Variants in THSD7B observed in about 807,000 individuals in gnomAD.
The protein encoded by THSD7B is thrombospondin type 1 domain containing 7B.
THSD7B carries 138 observed loss-of-function variants against 213.6 expected under a neutral mutation model. The ratio of observed to expected loss-of-function variants is 0.65; its 90% CI spans 0.56 to 0.74. The LOEUF (loss-of-function observed/expected upper bound fraction) is 0.74. Ranked by LOEUF, THSD7B falls within the 30% of genes least tolerant of loss-of-function variation. The pLI, the probability that THSD7B is intolerant of heterozygous loss-of-function variation, is 0.00. For missense variants in THSD7B, 1,931 were observed against 1,991.5 expected (o/e 0.97, Z 0.58); for synonymous variants, 742 against 687.0 (o/e 1.08, Z -1.25).
At chr2:136,803,117 A>G (rs749904925) in intron 1 of THSD7B, among the ~76,000 whole-genome samples, 74 of 152,148 alleles carry the variant, frequency 4.9e-4, no homozygotes, top group Non-Finnish European at 7.9e-4. Flanking sequence ...TAGATATATT[A>G]TGGATCAAGT....
chr2:136,867,939 A>G (rs1683370092), intron 1 of THSD7B, among the ~76,000 whole-genome samples: 1 of 152,178 alleles, frequency 6.6e-6, no homozygotes, highest in South Asian at 2.1e-4. Flanking sequence ...TTTATTTAGT[A>G]TTATTAATTT....
intron 17 of THSD7B, among the ~76,000 whole-genome samples, chr2:137,598,887 T>TTTTA (rs1682019656): frequency 6.6e-6 from 1 of 151,100 alleles, no homozygotes; most frequent in African/African-American, 2.4e-5. Flanking sequence ...CTTTTTTTTT[T>TTTTA]TTATTATTAT....
At chr2:137,041,803 G>T (rs1322863445) in intron 2 of THSD7B, among the ~76,000 whole-genome samples, 1 of 152,056 alleles carries the variant, frequency 6.6e-6, no homozygotes, top group Non-Finnish European at 1.5e-5. Flanking sequence ...TGGAAGCAAT[G>T]ATTATATTGC....
Position 136,780,348 on chromosome 2 carries a change from C to T in THSD7B, c.-36+14661C>T, listed in dbSNP as rs182147082. Among the ~76,000 whole-genome samples, 4 of 152,236 alleles carry T rather than the reference C, an allele frequency of 2.6e-5. No individual in the cohort carries two copies. In the East Asian group the frequency reaches 7.7e-4, roughly 29 times the overall value. On this transcript the variant is annotated intron_variant, in intron 1 of 27. Coordinates refer to ENST00000409968, the MANE Select transcript of THSD7B (RefSeq NM_001316349.2). ...ATCCATCCATTCATGAGTGCATGTG[C>T]CCTCATAGCCTAAGCACCTCCAAAA...
intron 17 of THSD7B, among the ~76,000 whole-genome samples, chr2:137,609,048 A>C (rs1435137731): frequency 1.3e-5 from 2 of 152,246 alleles, no homozygotes; most frequent in Non-Finnish European, 1.5e-5. Flanking sequence ...AATCTCATTA[A>C]ACTCATTAGA....
At chr2:137,504,469 C>G (rs1219821536) in intron 15 of THSD7B, among the ~76,000 whole-genome samples, 3 of 152,162 alleles carry the variant, frequency 2.0e-5, no homozygotes, top group Non-Finnish European at 4.4e-5. Flanking sequence ...ATGTAGTTGA[C>G]TGTTTTTCTT....
intron 2 of THSD7B, among the ~76,000 whole-genome samples, chr2:136,910,086 C>T (rs1305216168): frequency 6.6e-6 from 1 of 152,116 alleles, no homozygotes; most frequent in Admixed American, 6.6e-5. Flanking sequence ...TTTCAGCAAT[C>T]TGGGAGCAGT....
In THSD7B at chr2:136,817,544, G is replaced by C. The variant is rs1228964624; in HGVS notation, c.-36+51857G>C. On this transcript the variant is annotated intron_variant, in intron 1 of 27. Coordinates refer to ENST00000409968, the MANE Select transcript of THSD7B (RefSeq NM_001316349.2). ...CATCTTGAATTGATTTTTGTATAAGGTGTAAGGAAGGGATCCAGTTTCAGC... is the reference window on the plus strand; with the variant it reads ...CATCTTGAATTGATTTTTGTATAAGCTGTAAGGAAGGGATCCAGTTTCAGC... Among the ~76,000 whole-genome samples the C allele has an allele frequency of 1.1e-4, 16 of 150,320 alleles. No individual in the cohort carries two copies. The East Asian group carries it at 3.1e-3, about 29-fold the overall frequency.
At chr2:137,290,987 A>G (rs546646489) in intron 12 of THSD7B, among the ~76,000 whole-genome samples, 3 of 152,238 alleles carry the variant, frequency 2.0e-5, no homozygotes, top group Middle Eastern at 3.4e-3. Flanking sequence ...AGAGTCACTC[A>G]CCTGATTATC....
At chr2:137,588,461 G>C (rs1681790957) in intron 17 of THSD7B, among the ~76,000 whole-genome samples, 1 of 151,334 alleles carries the variant, frequency 6.6e-6, no homozygotes, top group Admixed American at 6.6e-5. Context: ...AATACCTCTG[G>C]AGCTGGAATA....
chr2:137,658,062 T>C (rs1683273033), intron 24 of THSD7B, among the ~76,000 whole-genome samples: 1 of 152,244 alleles, frequency 6.6e-6, no homozygotes, highest in African/African-American at 2.4e-5. Context: ...ATTGTCATTA[T>C]TTTTACTTAG....
chr2:137,279,275 C>A (rs1044527442), intron 12 of THSD7B, among the ~76,000 whole-genome samples: 2 of 152,056 alleles, frequency 1.3e-5, no homozygotes, highest in Admixed American at 1.3e-4. Context: ...ATAGCTCATG[C>A]CTGTAATCTC....
intron 15 of THSD7B, among the ~76,000 whole-genome samples, chr2:137,482,575 C>T (rs1558810990): frequency 6.6e-6 from 1 of 152,136 alleles, no homozygotes; most frequent in Non-Finnish European, 1.5e-5. Context: ...AAAATACTTG[C>T]ATAGGTATTC....
intron 2 of THSD7B, among the ~76,000 whole-genome samples, chr2:137,027,370 C>A (rs531123058): frequency 2.6e-5 from 4 of 152,244 alleles, no homozygotes; most frequent in Admixed American, 2.6e-4. Context: ...TTCCTTAGGA[C>A]TTTATCATTG....
At chr2:136,800,147 A>AT (rs1271364936) in intron 1 of THSD7B, among the ~76,000 whole-genome samples, 2 of 151,952 alleles carry the variant, frequency 1.3e-5, no homozygotes, top group African/African-American at 2.4e-5. Context: ...TGAACCCTCA[A>AT]TTTTTTTCAC....
chr2:136,833,385 A>AAAGAG (rs1383636225), intron 1 of THSD7B, among the ~76,000 whole-genome samples: 1 of 136,314 alleles, frequency 7.3e-6, no homozygotes, highest in African/African-American at 3.0e-5. Flanking sequence ...AAAAAAAAAA[A>AAAGAG]AGAGAGAGAG....
intron 2 of THSD7B, among the ~76,000 whole-genome samples, chr2:137,025,762 C>T (rs534439773): frequency 3.9e-5 from 6 of 152,040 alleles, no homozygotes; most frequent in African/African-American, 1.4e-4. Context: ...GATAACTCAT[C>T]GCATGGCTTC....
chr2:137,493,948 A>C (rs1222566237), intron 15 of THSD7B, among the ~76,000 whole-genome samples: 2 of 152,150 alleles, frequency 1.3e-5, no homozygotes, highest in Non-Finnish European at 2.9e-5. Flanking sequence ...TTTTATATGA[A>C]ATCAGCTGCT....
At chr2:137,074,726 G>T (rs925302965) in intron 3 of THSD7B, among the ~76,000 whole-genome samples, 6 of 152,148 alleles carry the variant, frequency 3.9e-5, no homozygotes, top group African/African-American at 1.4e-4. Flanking sequence ...GCTGGTTCCG[G>T]TTGTTCCTTT....
Sources: gnomAD v4.1 joint callset for allele counts (sites outside exome capture counted in the v4.1 genomes callset) on GRCh38, gnomAD v4.1.1 for gene constraint, MANE v1.5 for transcripts, NCBI Gene and HGNC (gene_info 2026-07-23, HGNC 2026-07-21) for gene names.